DNAJB11: variants seen among roughly 807,000 people sequenced by gnomAD.
DNAJB11 encodes the protein DnaJ heat shock protein family (Hsp40) member B11.
In DNAJB11, 30 loss-of-function variants were observed where a neutral mutation model predicts 47.2. The ratio of observed to expected loss-of-function variants is 0.64; its 90% CI spans 0.48 to 0.86. DNAJB11 has a LOEUF of 0.86. Among genes scored for constraint, DNAJB11 ranks in the 40% least tolerant of loss-of-function variants. DNAJB11 has a pLI of 0.00. For missense variants in DNAJB11, 357 were observed against 440.2 expected (o/e 0.81, Z 1.69); for synonymous variants, 151 against 159.9 (o/e 0.94, Z 0.42).
intron 1 of DNAJB11, 61 bp downstream of exon 1, chr3:186,571,026 A>AGGGGGGGGGGGG: frequency 4.5e-6 from 1 of 221,226 alleles, no homozygotes; most frequent in Non-Finnish European, 8.6e-6. Flanking sequence ...GGGGGGTGGG[A>AGGGGGGGGGGGG]GGGGGTGGGG....
chr3:186,571,732 G>A (rs564500498), intron 1 of DNAJB11, among the ~76,000 whole-genome samples: 1 of 152,174 alleles, frequency 6.6e-6, no homozygotes. Context: ...CCAGTATAGG[G>A]AAAGGGGGGA....
At chr3:186,584,795 A>G (rs1026814567) in intron 9 of DNAJB11, among the ~76,000 whole-genome samples, 1 of 152,194 alleles carries the variant, frequency 6.6e-6, no homozygotes, top group African/African-American at 2.4e-5. Flanking sequence ...ACAAAAGTCT[A>G]TGTAAGCTGT....
At chr3:186,582,200 C>A in intron 6 of DNAJB11, 123 bp downstream of exon 6, 2 of 748,468 alleles carry the variant, frequency 2.7e-6, no homozygotes, top group Non-Finnish European at 4.4e-6. Context: ...TATATAATTT[C>A]CAACACTCTT....
rs1450008318 is a variant in DNAJB11 at position 186,570,722 on chromosome 3, TC to T, written c.-173del. 1.9e-5 allele frequency: 12 copies of T among 637,696 alleles called. No homozygotes were observed. Among genetic ancestry groups the T allele is most frequent in the Non-Finnish European group, 2.7e-6 (1 of 367,394 alleles). The allele number at this position is 637,696 out of a possible 1,614,324, so 39.5% of individuals were successfully genotyped here. ...GGCTTCTCTCACCGGGACTCGGGAC[TC>T]CCGGGAAGTGGACCGGCAGAAGAGG... is the stretch of plus-strand genomic sequence containing the variant. On this transcript the variant is annotated 5_prime_UTR_variant, in exon 1 of 10. Coordinates refer to ENST00000265028, the MANE Select transcript of DNAJB11 (RefSeq NM_016306.6).
At chr3:186,571,020 GGT>G in intron 1 of DNAJB11, 55 bp downstream of exon 1, 1 of 1,129,296 alleles carries the variant, frequency 8.9e-7, no homozygotes, top group African/African-American at 1.6e-5. Context: ...TTTGCTGGGG[GGT>G]GGGAGGGGGT....
At chr3:186,572,029 A>G (rs1715077957) in intron 1 of DNAJB11, 66 bp from the exon 2 acceptor site, 27 of 1,391,824 alleles carry the variant, frequency 1.9e-5, no homozygotes, top group Middle Eastern at 3.9e-4. Context: ...GGAAAAATAA[A>G]TCTTTTACTT....
chr3:186,575,368 C>CGCGCGCGCGT (rs1406330956), intron 2 of DNAJB11, among the ~76,000 whole-genome samples: 108 of 143,452 alleles, frequency 7.5e-4, no homozygotes, highest in Non-Finnish European at 1.3e-3. Flanking sequence ...CGCGCGCGCG[C>CGCGCGCGCGT]GTGTGTGTGT....
chr3:186,580,651 A>G (rs575165604), intron 4 of DNAJB11: 71 of 152,342 alleles, frequency 4.7e-4, no homozygotes, highest in African/African-American at 1.7e-3. Context: ...GGCCTTTCAT[A>G]TGTTGGTAGG....
chr3:186,584,817 T>G (rs913363984), intron 9 of DNAJB11, among the ~76,000 whole-genome samples: 4 of 152,110 alleles, frequency 2.6e-5, no homozygotes, highest in Admixed American at 6.5e-5. Flanking sequence ...CTTCAAAACC[T>G]AGGGAGTGAT....
intron 1 of DNAJB11, 147 bp from the exon 2 acceptor site, chr3:186,571,948 T>C: frequency 3.8e-6 from 2 of 529,410 alleles, no homozygotes; most frequent in Non-Finnish European, 6.3e-6. Context: ...TTAGTCATTC[T>C]TTGTGTGTGT....
At chr3:186,584,147 C>G (rs1356510319) in intron 8 of DNAJB11, among the ~76,000 whole-genome samples, 171 bp downstream of exon 8, 2 of 152,222 alleles carry the variant, frequency 1.3e-5, no homozygotes, top group Non-Finnish European at 2.9e-5. Flanking sequence ...AGTGCCAGAC[C>G]TTTCAGCTAC....
At chr3:186,584,327 C>T (rs1715596322) in intron 8 of DNAJB11, 103 bp from the exon 9 acceptor site, 3 of 1,176,658 alleles carry the variant, frequency 2.5e-6, no homozygotes, top group Non-Finnish European at 1.2e-6. Context: ...TTTCTTTTTG[C>T]TGAGCTGTGA....
intron 9 of DNAJB11, among the ~76,000 whole-genome samples, chr3:186,584,816 C>A (rs1372718645): frequency 1.3e-5 from 2 of 152,004 alleles, no homozygotes; most frequent in African/African-American, 4.8e-5. Context: ...GCTTCAAAAC[C>A]TAGGGAGTGA....
intron 4 of DNAJB11, chr3:186,580,345 T>C (rs552561031): frequency 5.4e-4 from 83 of 152,334 alleles, no homozygotes; most frequent in Admixed American, 3.2e-3. Flanking sequence ...AAAAATACCT[T>C]GAGAAATAGG....
chr3:186,576,447 A>G (rs1033143481), intron 3 of DNAJB11, among the ~76,000 whole-genome samples: 2 of 151,728 alleles, frequency 1.3e-5, no homozygotes, highest in East Asian at 3.9e-4. Flanking sequence ...TTTCTTCCTC[A>G]CTCTTTGAAC....
At chr3:186,574,857 C>G (rs977163305) in intron 2 of DNAJB11, among the ~76,000 whole-genome samples, 11 of 152,174 alleles carry the variant, frequency 7.2e-5, no homozygotes, top group African/African-American at 2.7e-4. Context: ...TAACTCTCTC[C>G]TTCAGACTCT....
At chr3:186,575,794 A>C (rs1715270708) in intron 2 of DNAJB11, 46 bp from the exon 3 acceptor site, 2 of 1,458,322 alleles carry the variant, frequency 1.4e-6, no homozygotes, top group Admixed American at 3.4e-5. Flanking sequence ...CCTTAACTGG[A>C]TATTACCAAC....
At chr3:186,571,986 A>T (rs1184136339) in intron 1 of DNAJB11, 109 bp from the exon 2 acceptor site, 6 of 903,362 alleles carry the variant, frequency 6.6e-6, no homozygotes, top group Non-Finnish European at 9.7e-6. Flanking sequence ...TCATTTTTAT[A>T]CCTCTTTGCT....
chr3:186,575,950 C>T lies in DNAJB11; in HGVS notation c.323+13C>T, dbSNP rs770502442. On this transcript the variant is annotated intron_variant, in intron 3 of 9. Coordinates refer to ENST00000265028, the MANE Select transcript of DNAJB11 (RefSeq NM_016306.6). ...ACATTTTTTCACAGTGAGTAATTTA[C>T]CCATCTGCAAAGTGTTAGTGTCTGA... The T allele has an allele frequency of 6.3e-7, 1 of 1,579,116 alleles. No individual in the cohort carries two copies. The highest frequency in any genetic ancestry group is 8.7e-7 in the Non-Finnish European group (1 of 1,148,546).
Sources: gnomAD v4.1 joint callset for allele counts (sites outside exome capture counted in the v4.1 genomes callset) on GRCh38, gnomAD v4.1.1 for gene constraint, MANE v1.5 for transcripts, NCBI Gene and HGNC (gene_info 2026-07-23, HGNC 2026-07-21) for gene names.